The following PACC1 variants were observed in gnomAD, a reference collection of about 807,000 sequenced individuals.
The protein encoded by PACC1 is proton activated chloride channel 1, also known as proton-activated chloride channel.
A neutral mutation model predicts 39.7 loss-of-function variants in PACC1; 34 were observed. The ratio of observed to expected loss-of-function variants is 0.86; its 90% CI spans 0.65 to 1.14. The LOEUF (loss-of-function observed/expected upper bound fraction) is 1.14, where lower values mean the gene tolerates loss of function less well. PACC1 is among the 50% of genes most tolerant of loss of function. The probability of loss-of-function intolerance (pLI) is 0.00; values close to 1 mark genes in which losing one functional copy is unlikely to be tolerated. For synonymous variants in PACC1, 127 were observed against 160.6 expected, an observed-to-expected ratio of 0.79 and a Z score of 1.58; for missense variants, 379 against 436.4, an observed-to-expected ratio of 0.87 and a Z score of 1.17.
intron 1 of PACC1, chr1:212,413,883 T>A (rs1262658805): frequency 6.5e-7 from 1 of 1,528,456 alleles, no homozygotes; most frequent in Non-Finnish European, 8.7e-7. Flanking sequence ...GGACACAAAC[T>A]GGAGGAGGAC....
chr1:212,379,686 T>C (rs1660803271), intron 5 of PACC1, among the ~76,000 whole-genome samples: 1 of 152,230 alleles, frequency 6.6e-6, no homozygotes, highest in African/African-American at 2.4e-5. Flanking sequence ...AGAGCCAGCA[T>C]GCTCCTCCAC....
Position 212,414,822 on chromosome 1 carries a change from G to A in PACC1, c.-65C>T, listed in dbSNP as rs1662274644. The stretch of plus-strand genomic sequence containing the variant: ...GCCCGCGGCGCACGGACGCAGCACT[G>A]CGGCCGCTGCACCTGGACCTACCGG... On this transcript the variant is annotated 5_prime_UTR_variant, in exon 1 of 8. Transcript: ENST00000261455. The A allele has an allele frequency of 3.1e-6, 5 of 1,596,454 alleles. No individual in the cohort carries two copies. Among genetic ancestry groups the A allele is most frequent in the African/African-American group, 1.3e-5 (1 of 74,482 alleles).
At position 212,391,987 on chromosome 1, in the gene PACC1, G is replaced by T. The variant is rs922972750; in HGVS notation, c.134-4887C>A. Among the ~76,000 whole-genome samples the T allele has an allele frequency of 1.3e-3, 191 of 152,278 alleles. 3 individuals are homozygous for T. The highest frequency in any genetic ancestry group is 1.7e-3 in the Non-Finnish European group (118 of 68,012). ...TCTGATTGGTGTACCTGAAAGTGAC[G>T]GGGAGAATGGAACCAAGTTGGAAAA... On this transcript the variant is annotated intron_variant, in intron 2 of 7. Transcript: ENST00000261455.
Position 212,403,292 on chromosome 1 carries a change from A to G in PACC1, c.133+7133T>C, listed in dbSNP as rs1661781501. 2.6e-5 allele frequency among the ~76,000 whole-genome samples: 4 copies of G among 152,206 alleles called. No individual in the cohort carries two copies. The South Asian group carries it at 8.3e-4, about 32-fold the overall frequency. Reference sequence around the variant, plus strand: ...GGTGCTTAACTTGAATCTCTGCTACACTGTCCTCCTTTCTTGCAGCTCCTA... The same window carrying G: ...GGTGCTTAACTTGAATCTCTGCTACGCTGTCCTCCTTTCTTGCAGCTCCTA... On this transcript the variant is annotated intron_variant, in intron 2 of 7. Transcript: ENST00000261455.
chr1:212,399,866 C>A (rs955494668), intron 2 of PACC1, among the ~76,000 whole-genome samples: 1 of 151,070 alleles, frequency 6.6e-6, no homozygotes, highest in Non-Finnish European at 1.5e-5. Context: ...TTTTTTGAGA[C>A]GGAGTTTCAC....
chr1:212,399,051 TGGGTATCCTTC>T (rs1661621313), intron 2 of PACC1, among the ~76,000 whole-genome samples: 1 of 152,256 alleles, frequency 6.6e-6, no homozygotes, highest in East Asian at 1.9e-4. Context: ...AATGGGACCA[TGGGTATCCTTC>T]AAAACCTGAT....
intron 7 of PACC1, among the ~76,000 whole-genome samples, chr1:212,370,003 T>A (rs1660385310): frequency 6.6e-6 from 1 of 152,028 alleles, no homozygotes; most frequent in African/African-American, 2.4e-5. Flanking sequence ...AAACCACATA[T>A]ATAAAGCAAA....
intron 2 of PACC1, among the ~76,000 whole-genome samples, chr1:212,390,836 G>A (rs922085726): frequency 4.6e-5 from 7 of 152,202 alleles, no homozygotes; most frequent in East Asian, 1.9e-4. Context: ...ACGGAGCCTC[G>A]CTCATTGCTA....
chr1:212,396,094 C>T (rs934919295), intron 2 of PACC1, among the ~76,000 whole-genome samples: 8 of 152,140 alleles, frequency 5.3e-5, no homozygotes, highest in Non-Finnish European at 7.3e-5. Context: ...TGGGTATATA[C>T]CCAAAGGAAT....
At chr1:212,367,652 A>G (rs1224773422) in intron 7 of PACC1, among the ~76,000 whole-genome samples, 5 of 152,080 alleles carry the variant, frequency 3.3e-5, no homozygotes, top group Non-Finnish European at 7.4e-5. Flanking sequence ...GTGATCCAGC[A>G]TGACACCAGC....
intron 7 of PACC1, among the ~76,000 whole-genome samples, chr1:212,366,226 TGAA>T (rs1265985636): frequency 6.6e-6 from 1 of 152,108 alleles, no homozygotes; most frequent in African/African-American, 2.4e-5. Flanking sequence ...CACTAACTCT[TGAA>T]GGCAGAGTTG....
intron 3 of PACC1, 112 bp from the exon 4 acceptor site, chr1:212,385,537 A>G (rs1277560830): frequency 5.2e-6 from 6 of 1,157,824 alleles, no homozygotes; most frequent in Non-Finnish European, 7.5e-6. Context: ...GGAGGACTGC[A>G]GGGAAGGGAG....
At chr1:212,414,115 G>T (rs1362891166) in intron 1 of PACC1, 1 of 1,498,288 alleles carries the variant, frequency 6.7e-7, no homozygotes, top group Admixed American at 2.2e-5. Flanking sequence ...CAAAGAACTG[G>T]AAAGTGATAA....
At chr1:212,377,069 G>A (rs1660691268) in intron 6 of PACC1, among the ~76,000 whole-genome samples, 1 of 152,132 alleles carries the variant, frequency 6.6e-6, no homozygotes, top group African/African-American at 2.4e-5. Context: ...TGGGAAATCT[G>A]ATCAAAAAGC....
intron 7 of PACC1, among the ~76,000 whole-genome samples, chr1:212,373,429 G>T (rs1660531916): frequency 6.6e-6 from 1 of 152,110 alleles, no homozygotes; most frequent in Non-Finnish European, 1.5e-5. Context: ...TTAGGACACT[G>T]GTCTGGACAA....
At chr1:212,389,542 GAAACAAGA>G (rs1661230149) in intron 2 of PACC1, among the ~76,000 whole-genome samples, 1 of 152,048 alleles carries the variant, frequency 6.6e-6, no homozygotes, top group African/African-American at 2.4e-5. Flanking sequence ...GACATGCTAA[GAAACAAGA>G]AAATGTGACC....
intron 7 of PACC1, among the ~76,000 whole-genome samples, chr1:212,365,635 T>C (rs996991835): frequency 6.6e-5 from 10 of 152,090 alleles, no homozygotes; most frequent in Admixed American, 2.0e-4. Context: ...TCAAGAGCCC[T>C]TCCCAAATTA....
At chr1:212,405,944 C>A (rs2102538234) in intron 2 of PACC1, among the ~76,000 whole-genome samples, 1 of 151,918 alleles carries the variant, frequency 6.6e-6, no homozygotes, top group African/African-American at 2.4e-5. Flanking sequence ...GAGTTTGAGA[C>A]CAGCCTGGGC....
rs548549555 is a variant in PACC1, at chr1:212,404,207, C to T, written c.133+6218G>A. Among the ~76,000 whole-genome samples, 494 of 151,872 alleles carry T rather than the reference C, an allele frequency of 3.3e-3. 5 individuals carry two copies. The highest frequency in any genetic ancestry group is 0.011 in the African/African-American group (470 of 41,380). ...CTGCAAGCTCTGCCTCCCAGGTTCA[C>T]GCCATTCTCCTGCCTCAGCCTCCCG... On this transcript the variant is annotated intron_variant, in intron 2 of 7. Transcript: ENST00000261455.
Sources: gnomAD v4.1 joint callset for allele counts (sites outside exome capture counted in the v4.1 genomes callset) on GRCh38, gnomAD v4.1.1 for gene constraint, MANE v1.5 for transcripts, NCBI Gene and HGNC (gene_info 2026-07-23, HGNC 2026-07-21) for gene names.